The following SEC14L1 variants were observed in gnomAD, a reference collection of about 807,000 sequenced individuals.
SEC14L1 encodes the protein SEC14 like lipid binding 1.
Under a neutral mutation model 85.3 loss-of-function variants are expected in SEC14L1, and 48 were observed. That is an observed-to-expected ratio of 0.56 (90% CI 0.45 to 0.72). The LOEUF (loss-of-function observed/expected upper bound fraction) is 0.72. SEC14L1 is among the 30% of genes least tolerant of loss of function. The probability of loss-of-function intolerance (pLI) is 0.00; values close to 1 mark genes in which losing one functional copy is unlikely to be tolerated. For missense variants in SEC14L1, 682 were observed against 921.4 expected (o/e 0.74, Z 3.36); for synonymous variants, 391 against 355.5 (o/e 1.10, Z -1.12).
chr17:77,140,838 A>AGCAACC (rs1287984245), upstream of SEC14L1: 2 of 143,630 alleles, frequency 1.4e-5, no homozygotes, highest in African/African-American at 5.3e-5. Context: ...CCCCTTTCTT[A>AGCAACC]GCAACCATCG....
chr17:77,191,742 C>T (rs558593338), intron 5 of SEC14L1, among the ~76,000 whole-genome samples: 98 of 151,426 alleles, frequency 6.5e-4, no homozygotes, highest in South Asian at 1.5e-3. Flanking sequence ...GGGGTTTCAC[C>T]GTGTTGGCCT....
Position 77,206,750 on chromosome 17 carries a change from A to C in SEC14L1, c.1364A>C (p.Asn455Thr), listed in dbSNP as rs1203294424. Residue 455 changes from asparagine to threonine, a missense_variant, in exon 13 of 17, where the codon AAC becomes ACC. By Grantham distance (65) the Asn-to-Thr change is moderately conservative. Transcript: ENST00000436233. The surrounding 1 kb of genome is among the most constrained non-coding windows in gnomAD (Gnocchi z 4.3). ...CAGGTTAGTCCGTTCATTGATGACA[A>C]CACCAGAAGGAAGTTCCTCATTTAT... ...WTLVSPFIDD[N>T]TRRKFLIYAG... 1.2e-6 allele frequency: 2 copies of C among 1,610,918 alleles called. No individual in the cohort carries two copies. The highest frequency in any genetic ancestry group is 1.7e-6 in the Non-Finnish European group (2 of 1,179,112).
intron 3 of SEC14L1, among the ~76,000 whole-genome samples, chr17:77,097,513 G>A (rs971589943): frequency 9.2e-5 from 14 of 152,086 alleles, no homozygotes; most frequent in East Asian, 7.7e-4. Flanking sequence ...GCAGTGAGCC[G>A]GGATTGTGCC....
At chr17:77,211,590 CTTCTG>C in intron 14 of SEC14L1, 1 of 217,372 alleles carries the variant, frequency 4.6e-6, no homozygotes, top group East Asian at 1.2e-4. Flanking sequence ...TCTCCAGGGC[CTTCTG>C]TTCTGTCCAG....
chr17:77,095,957 T>C (rs1971632002), intron 3 of SEC14L1, among the ~76,000 whole-genome samples: 1 of 151,822 alleles, frequency 6.6e-6, no homozygotes, highest in Non-Finnish European at 1.5e-5. Context: ...CTAGACTCCA[T>C]GGGTGGAGGC....
chr17:77,145,340 G>C (rs1183130356), intron 3 of SEC14L1, among the ~76,000 whole-genome samples: 1 of 152,056 alleles, frequency 6.6e-6, no homozygotes, highest in Non-Finnish European at 1.5e-5. Context: ...TGTACAGTTT[G>C]ATTAGTTTTA....
At chr17:77,112,738 A>G (rs1972075991) in intron 3 of SEC14L1, among the ~76,000 whole-genome samples, 1 of 151,722 alleles carries the variant, frequency 6.6e-6, no homozygotes, top group Non-Finnish European at 1.5e-5. Flanking sequence ...ACAAAAAAAT[A>G]TGGTGGGCAC....
intron 5 of SEC14L1, among the ~76,000 whole-genome samples, chr17:77,192,577 C>T (rs1445309958): frequency 6.6e-6 from 1 of 152,130 alleles, no homozygotes; most frequent in Non-Finnish European, 1.5e-5. Flanking sequence ...CTAGTCTCAC[C>T]TCCTCCCATC....
chr17:77,175,194 A>G (rs543529611), intron 3 of SEC14L1, among the ~76,000 whole-genome samples: 1 of 152,294 alleles, frequency 6.6e-6, no homozygotes, highest in East Asian at 1.9e-4. Context: ...TTGAAGAGGA[A>G]TTCATCATCT....
chr17:77,117,158 G>A (rs1379523268), intron 3 of SEC14L1, among the ~76,000 whole-genome samples: 1 of 152,128 alleles, frequency 6.6e-6, no homozygotes, highest in African/African-American at 2.4e-5. Flanking sequence ...GACCAGCCTG[G>A]CCAACATGGT....
intron 3 of SEC14L1, among the ~76,000 whole-genome samples, chr17:77,180,046 T>TTGTTTTGTTA (rs1974947120): frequency 8.3e-6 from 1 of 121,022 alleles, no homozygotes; most frequent in African/African-American, 2.9e-5. Flanking sequence ...ATGTTTTGTT[T>TTGTTTTGTTA]TGTTATGTTA....
rs1479542163 is a variant in SEC14L1 at position 77,216,594 on chromosome 17, G to A, written c.*2571G>A. On this transcript the variant is annotated 3_prime_UTR_variant, in exon 17 of 17. Transcript: ENST00000436233. The stretch of plus-strand genomic sequence containing the variant: ...TGCCAAGAAAATGCTTCACTCAACA[G>A]TCCTCATGTGCCCAGAGATGTTTAT... 1 of 1,613,330 alleles carries A rather than the reference G, an allele frequency of 6.2e-7. No homozygotes were observed. The highest frequency in any genetic ancestry group is 8.5e-7 in the Non-Finnish European group (1 of 1,179,466).
chr17:77,136,653 T>G (rs1223354154), upstream of SEC14L1, among the ~76,000 whole-genome samples: 3 of 152,184 alleles, frequency 2.0e-5, no homozygotes, highest in Non-Finnish European at 4.4e-5. Context: ...CACGCATGTG[T>G]GTGCACGTGT....
At chr17:77,202,940 A>T (rs924982738) in intron 9 of SEC14L1, among the ~76,000 whole-genome samples, 40 of 151,278 alleles carry the variant, frequency 2.6e-4, no homozygotes, top group East Asian at 9.7e-4. Context: ...AAAAAATAAA[A>T]AAAAAAAAAA....
intron 3 of SEC14L1, among the ~76,000 whole-genome samples, chr17:77,150,866 C>T (rs1189729496): frequency 1.3e-5 from 2 of 152,216 alleles, no homozygotes; most frequent in Non-Finnish European, 2.9e-5. Context: ...CTTTTTCTTC[C>T]TCTGACTGAG....
intron 10 of SEC14L1, among the ~76,000 whole-genome samples, chr17:77,204,509 C>G (rs1473299020): frequency 2.0e-5 from 3 of 150,878 alleles, no homozygotes; most frequent in Admixed American, 1.3e-4. Context: ...CTTGAGCCAC[C>G]CTGCCCAGCC....
intron 8 of SEC14L1, among the ~76,000 whole-genome samples, chr17:77,198,396 G>A (rs547490419): frequency 6.6e-6 from 1 of 152,270 alleles, no homozygotes; most frequent in East Asian, 1.9e-4. Flanking sequence ...AACATTACTA[G>A]CGAAGTCCAG....
Position 77,211,535 on chromosome 17 carries a change from G to A in SEC14L1, c.1612-415G>A, listed in dbSNP as rs191252999. On this transcript the variant is annotated intron_variant, in intron 14 of 16. Coordinates refer to ENST00000436233, the MANE Select transcript of SEC14L1 (RefSeq NM_001143998.2). ...CCCCTGCTTCCCCCTTGCTGGGAAC[G>A]CTGTCCTCAGGCTCCCCTGCCTGCT... is the stretch of plus-strand genomic sequence containing the variant. 1.1e-4 allele frequency: 20 copies of A among 177,624 alleles called. No individual in the cohort carries two copies. In the East Asian group the frequency reaches 2.9e-3, roughly 25 times the overall value. 11.0% of individuals were successfully genotyped at this position (177,624 alleles called of 1,614,324 possible). A position where few individuals can be genotyped will look rare whatever the true frequency, so the allele number is the denominator to read the frequency against.
intron 3 of SEC14L1, among the ~76,000 whole-genome samples, chr17:77,147,836 T>G (rs763424746): frequency 5.3e-5 from 8 of 152,154 alleles, no homozygotes; most frequent in Non-Finnish European, 1.0e-4. Context: ...TAAATTGAGT[T>G]ATAATTTACA....
Sources: allele counts gnomAD v4.1 joint callset (sites outside exome capture counted in the v4.1 genomes callset), GRCh38; gene constraint gnomAD v4.1.1; non-coding constraint Gnocchi (gnomAD v3.1); transcripts MANE v1.5; gene names NCBI Gene and HGNC (gene_info 2026-07-23, HGNC 2026-07-21).